The following NUP210L variants were observed in gnomAD, a reference collection of about 807,000 sequenced individuals.
NUP210L encodes nuclear pore membrane glycoprotein 210-like.
In NUP210L, 74 loss-of-function variants were observed where a neutral mutation model predicts 208.5. That is an observed-to-expected ratio of 0.35 (90% CI 0.29 to 0.43). The LOEUF (loss-of-function observed/expected upper bound fraction) is 0.43, where lower values mean the gene tolerates loss of function less well. NUP210L is among the 20% of genes least tolerant of loss of function. NUP210L has a pLI of 1.00. For synonymous variants in NUP210L, 780 were observed against 816.9 expected, an observed-to-expected ratio of 0.95 and a Z score of 0.77; for missense variants, 1,843 against 2,289.4, an observed-to-expected ratio of 0.81 and a Z score of 3.98.
In NUP210L at chr1:154,111,356, C is replaced by A. The variant is rs1657031949; in HGVS notation, c.1620+6369G>T. Among the ~76,000 whole-genome samples, 3 of 151,390 alleles carry A rather than the reference C, an allele frequency of 2.0e-5. No homozygotes were observed. The South Asian group carries it at 6.2e-4, about 31-fold the overall frequency. On this transcript the variant is annotated intron_variant, in intron 12 of 39. Coordinates refer to ENST00000368559, the Ensembl canonical transcript of NUP210L. ...CCAGATCGCACCACTGCACTCCAGC[C>A]TGGGCGACAGAGTGAGATTCAGTCT...
chr1:154,140,921 G>A (rs1402171167), intron 4 of NUP210L, among the ~76,000 whole-genome samples: 5 of 150,562 alleles, frequency 3.3e-5, no homozygotes, highest in East Asian at 3.9e-4. Flanking sequence ...GTGAACCCGG[G>A]AGGCAGAGGT....
chr1:154,075,547 G>GA (rs1406680649), intron 16 of NUP210L, among the ~76,000 whole-genome samples: 1 of 151,972 alleles, frequency 6.6e-6, no homozygotes, highest in African/African-American at 2.4e-5. Flanking sequence ...AACTAGTTCA[G>GA]AAAAGACACT....
intron 10 of NUP210L, among the ~76,000 whole-genome samples, chr1:154,119,561 C>G (rs1419895140): frequency 6.6e-6 from 1 of 152,134 alleles, no homozygotes; most frequent in East Asian, 1.9e-4. Context: ...GCACTCCAGC[C>G]TGGGCAACAA....
At chr1:154,024,474 G>C (rs1651743671) in intron 30 of NUP210L, among the ~76,000 whole-genome samples, 1 of 151,990 alleles carries the variant, frequency 6.6e-6, no homozygotes, top group Non-Finnish European at 1.5e-5. Flanking sequence ...TTCGTGTTAA[G>C]ACTAACTTAT....
intron 25 of NUP210L, among the ~76,000 whole-genome samples, chr1:154,049,536 T>C (rs1400001745): frequency 6.6e-6 from 1 of 152,168 alleles, no homozygotes; most frequent in Non-Finnish European, 1.5e-5. Flanking sequence ...CCAATTTGGA[T>C]AGAACAATGG....
intron 7 of NUP210L, among the ~76,000 whole-genome samples, chr1:154,133,857 A>C (rs1658379943): frequency 6.6e-6 from 1 of 151,652 alleles, no homozygotes; most frequent in African/African-American, 2.4e-5. Context: ...CTACAAAAAT[A>C]ATAATTTTTT....
chr1:154,024,529 A>T (rs942789703), intron 30 of NUP210L, among the ~76,000 whole-genome samples: 2 of 152,054 alleles, frequency 1.3e-5, no homozygotes, highest in Non-Finnish European at 2.9e-5. Context: ...AGCAAAGCTT[A>T]ATTTTTTAAA....
At chr1:154,123,938 C>T (rs570485895) in intron 10 of NUP210L, among the ~76,000 whole-genome samples, 19 of 150,378 alleles carry the variant, frequency 1.3e-4, no homozygotes, top group South Asian at 8.4e-4. Flanking sequence ...AATCCTAGCA[C>T]TTTGGGAGTC....
chr1:154,111,949 A>C (rs1259157691), intron 12 of NUP210L, among the ~76,000 whole-genome samples: 1 of 151,442 alleles, frequency 6.6e-6, no homozygotes, highest in Non-Finnish European at 1.5e-5. Context: ...GTTTTTTCAG[A>C]TGGAGTCTCA....
chr1:154,149,797 T>A (rs2148160272), intron 2 of NUP210L, among the ~76,000 whole-genome samples: 1 of 152,338 alleles, frequency 6.6e-6, no homozygotes, highest in East Asian at 1.9e-4. Context: ...ATCAAACATT[T>A]AACTTTTAAA....
chr1:154,115,077 G>A (rs1448527838), intron 12 of NUP210L, among the ~76,000 whole-genome samples: 1 of 152,142 alleles, frequency 6.6e-6, no homozygotes, highest in Non-Finnish European at 1.5e-5. Flanking sequence ...AAGCTTAACT[G>A]AAGTTTTTGC....
chr1:154,079,196 C>T (rs930644313), intron 16 of NUP210L, among the ~76,000 whole-genome samples: 8 of 152,052 alleles, frequency 5.3e-5, no homozygotes, highest in African/African-American at 1.9e-4. Flanking sequence ...GAGTTCAAGG[C>T]TGCAGTGAGC....
In NUP210L at chr1:154,046,098, C is replaced by T. The variant is rs371768638; in HGVS notation, c.3667G>A (p.Val1223Ile). The change falls in exon 27 of 40, where the codon GTA (valine) becomes ATA (isoleucine). Residue 1223 changes from valine to isoleucine, a missense_variant. Val to Ile is a conservative substitution (Grantham distance 29, BLOSUM62 3). Coordinates refer to ENST00000368559, the Ensembl canonical transcript of NUP210L. The stretch of plus-strand genomic sequence containing the variant: ...GAATGCCTGGGCACTAGATCCAATA[C>T]ATCCCTTTTGCTCATAGACCAGTGG... The T allele has an allele frequency of 4.3e-6, 7 of 1,614,040 alleles. No individual in the cohort carries two copies. In the African/African-American group the frequency reaches 6.7e-5, roughly 15 times the overall value.
intron 12 of NUP210L, among the ~76,000 whole-genome samples, chr1:154,112,149 G>A (rs777844279): frequency 2.0e-5 from 3 of 147,898 alleles, no homozygotes; most frequent in Non-Finnish European, 2.9e-5. Context: ...GGATGGTCTT[G>A]ATCTCTTGAC....
At chr1:154,149,232 C>T (rs561392428) in intron 2 of NUP210L, among the ~76,000 whole-genome samples, 14 of 152,028 alleles carry the variant, frequency 9.2e-5, no homozygotes, top group African/African-American at 3.1e-4. Context: ...ATTACAGGTG[C>T]CCATCACCAC....
exon 16 of NUP210L, chr1:154,089,588 T>A: frequency 1.2e-6 from 2 of 1,613,982 alleles, no homozygotes; most frequent in Non-Finnish European, 1.7e-6. Context: ...ATTCGGAATG[T>A]GAGAACCTTT....
chr1:154,123,436 C>T (rs968841862), intron 10 of NUP210L, among the ~76,000 whole-genome samples: 2 of 152,144 alleles, frequency 1.3e-5, no homozygotes, highest in Admixed American at 6.6e-5. Flanking sequence ...TGAGCCAACT[C>T]GCCCATCTGG....
chr1:154,024,855 A>T (rs1217109142), intron 30 of NUP210L, among the ~76,000 whole-genome samples: 3 of 138,572 alleles, frequency 2.2e-5, no homozygotes, highest in Admixed American at 7.3e-5. Context: ...ATCATTCTAC[A>T]CTCCTCCGAT....
intron 15 of NUP210L, among the ~76,000 whole-genome samples, chr1:154,092,724 TTTTG>T (rs747184571): frequency 4.7e-5 from 7 of 149,048 alleles, no homozygotes; most frequent in East Asian, 4.2e-4. Context: ...TTTCTATATG[TTTTG>T]TTTGTTTGTT....
Sources: gnomAD v4.1 joint callset for allele counts (sites outside exome capture counted in the v4.1 genomes callset) on GRCh38, gnomAD v4.1.1 for gene constraint, MANE v1.5 for transcripts, NCBI Gene and HGNC (gene_info 2026-07-23, HGNC 2026-07-21) for gene names.